Variants in DNAH10 observed in about 807,000 individuals in gnomAD.
DNAH10 encodes the protein dynein axonemal heavy chain 10.
In DNAH10, 348 loss-of-function variants were observed where a neutral mutation model predicts 506.6. The observed-to-expected ratio is 0.69, with a 90% CI of 0.63 to 0.75. DNAH10 has a LOEUF of 0.75. Ranked by LOEUF, DNAH10 falls within the 30% of genes least tolerant of loss-of-function variation. The probability of loss-of-function intolerance (pLI) is 0.00; values close to 1 mark genes in which losing one functional copy is unlikely to be tolerated. For missense variants in DNAH10, 5,179 were observed against 5,787.1 expected (o/e 0.89, Z 3.41); for synonymous variants, 2,059 against 2,198.6 (o/e 0.94, Z 1.78).
rs770712706 is a variant in DNAH10, at chr12:123,914,914, G to A, written c.10637G>A (p.Arg3546Gln). 26 of 1,613,102 alleles carry A rather than the reference G, an allele frequency of 1.6e-5. No individual in the cohort carries two copies. In the African/African-American group the frequency reaches 2.3e-4, roughly 14 times the overall value. Residue 3546 changes from arginine to glutamine, a missense_variant, in exon 62 of 79, where the codon CGG (arginine) becomes CAG (glutamine). By Grantham distance (43) the Arg-to-Gln change is conservative. Around this residue, in one of 3 missense-constraint regions of DNAH10, gnomAD observed 4,844 missense variants for 5,430.5 expected, o/e 0.89. Transcript: ENST00000673944. Reference sequence around the variant, plus strand: ...GTTCAGAATGGCATCCTCACCACCCGGGCCAGCCGCTTCCCTCTGTGTATC... The same window carrying A: ...GTTCAGAATGGCATCCTCACCACCCAGGCCAGCCGCTTCCCTCTGTGTATC... ...LSVQNGILTTRASRFPLCIDP... is the reference protein window; with the variant it reads ...LSVQNGILTTQASRFPLCIDP...
chr12:123,917,850 G>A lies in DNAH10; in HGVS notation c.11232+37G>A, dbSNP rs751311531. On this transcript the variant is annotated intron_variant, in intron 64 of 78. Coordinates refer to ENST00000673944, the MANE Select transcript of DNAH10 (RefSeq NM_001372106.1). The surrounding 1 kb of genome is among the most constrained non-coding windows in gnomAD (Gnocchi z 5.6). ...AGTGGAAGAGGCCGTGAGTCAGGCG[G>A]GGCCTGCATGCGCCGTTGGAGCGTC... 2 of 1,542,302 alleles carry A rather than the reference G, an allele frequency of 1.3e-6. No homozygotes were observed. Among genetic ancestry groups the A allele is most frequent in the South Asian group, 2.4e-5 (2 of 83,888 alleles).
chr12:123,784,229 A>G (rs1179213741), intron 8 of DNAH10, 52 bp downstream of exon 8: 3 of 1,544,454 alleles, frequency 1.9e-6, no homozygotes, highest in Non-Finnish European at 1.8e-6. Context: ...GAGATTTCAT[A>G]TGATTTAATT....
Position 123,916,381 on chromosome 12 carries a change from A to G in DNAH10, c.10723-76A>G. Reference sequence around the variant, plus strand: ...CCTGGCCCATCCACTTCCCACTTCCAAGCCATTCTCCCCTTATATTTGGCA... The same window carrying G: ...CCTGGCCCATCCACTTCCCACTTCCGAGCCATTCTCCCCTTATATTTGGCA... On this transcript the variant is annotated intron_variant, in intron 62 of 78. Coordinates refer to ENST00000673944, the MANE Select transcript of DNAH10 (RefSeq NM_001372106.1). This position sits in a 1 kb window ranked among gnomAD's most constrained non-coding sequence, Gnocchi z 4.6. The G allele has an allele frequency of 6.5e-7, 1 of 1,533,450 alleles. No homozygotes were observed. Among genetic ancestry groups the G allele is most frequent in the South Asian group, 1.3e-5 (1 of 76,296 alleles). The allele number at this position is 1,533,450 out of a possible 1,614,324, so 95.0% of individuals were successfully genotyped here.
chr12:123,797,427 G>C (rs577662592), intron 13 of DNAH10, among the ~76,000 whole-genome samples: 2 of 144,632 alleles, frequency 1.4e-5, no homozygotes, highest in Non-Finnish European at 3.0e-5. Flanking sequence ...AGGTCTTGCT[G>C]TGTTGCCCAG....
At chr12:123,852,667 G>A (rs1325894918) in intron 35 of DNAH10, among the ~76,000 whole-genome samples, 1 of 151,744 alleles carries the variant, frequency 6.6e-6, no homozygotes, top group African/African-American at 2.4e-5. Flanking sequence ...CTGTCTCCCA[G>A]GTTCAAGCGG....
In DNAH10 at chr12:123,907,734, C is replaced by T. The variant is rs957131809; in HGVS notation, c.9816-1527C>T. Among the ~76,000 whole-genome samples, 6 of 152,328 alleles carry T rather than the reference C, an allele frequency of 3.9e-5. No individual in the cohort carries two copies. The highest frequency in any genetic ancestry group is 1.4e-4 in the African/African-American group (6 of 41,588). On this transcript the variant is annotated intron_variant, in intron 57 of 78. Transcript: ENST00000673944. The surrounding 1 kb of genome is among the most constrained non-coding windows in gnomAD (Gnocchi z 4.4). ...GAAAACATCTGCCCCATTCTTTCCC[C>T]ACCTGCTTGTTCACAGAGCGGTGGC...
At chr12:123,820,206 G>A (rs973915432) in intron 23 of DNAH10, among the ~76,000 whole-genome samples, 1 of 152,156 alleles carries the variant, frequency 6.6e-6, no homozygotes, top group Non-Finnish European at 1.5e-5. Context: ...AGTGGTCATT[G>A]GAATTGGGGG....
intron 19 of DNAH10, among the ~76,000 whole-genome samples, chr12:123,809,664 A>G (rs1958852372): frequency 1.3e-5 from 2 of 151,868 alleles, no homozygotes; most frequent in Admixed American, 1.3e-4. Context: ...CAACAACAAC[A>G]ACAACAACAA....
intron 5 of DNAH10, among the ~76,000 whole-genome samples, chr12:123,779,981 G>C (rs150026340): frequency 3.3e-5 from 5 of 152,086 alleles, no homozygotes; most frequent in Non-Finnish European, 1.5e-5. Flanking sequence ...AAGTTGTTTC[G>C]TAATTGTATT....
At chr12:123,920,723 T>C (rs1954685236) in intron 65 of DNAH10, among the ~76,000 whole-genome samples, 1 of 152,238 alleles carries the variant, frequency 6.6e-6, no homozygotes, top group Non-Finnish European at 1.5e-5. Context: ...TTATAATTGG[T>C]TGTGTCACTT....
At chr12:123,814,624 T>TG (rs913521230) in intron 21 of DNAH10, among the ~76,000 whole-genome samples, 1 of 148,224 alleles carries the variant, frequency 6.7e-6, no homozygotes, top group Non-Finnish European at 1.5e-5. Context: ...TTTTTTTTTT[T>TG]TTTTTTTTGA....
At chr12:123,862,035 C>T (rs1951631949) in intron 39 of DNAH10, among the ~76,000 whole-genome samples, 1 of 152,212 alleles carries the variant, frequency 6.6e-6, no homozygotes, top group Non-Finnish European at 1.5e-5. Flanking sequence ...TTGGGTTTGT[C>T]CGCTGCTTCT....
intron 16 of DNAH10, among the ~76,000 whole-genome samples, chr12:123,801,791 T>A (rs1170670675): frequency 6.6e-6 from 1 of 151,304 alleles, no homozygotes; most frequent in Admixed American, 6.6e-5. Flanking sequence ...TTTCCCTAAG[T>A]AGTAACTTCT....
At chr12:123,800,627 A>G (rs969240066) in intron 15 of DNAH10, among the ~76,000 whole-genome samples, 7 of 151,598 alleles carry the variant, frequency 4.6e-5, no homozygotes, top group African/African-American at 1.7e-4. Context: ...TTGAGGCTGC[A>G]GTGAACCGTG....
At chr12:123,859,015 C>A in intron 37 of DNAH10, 135 bp from the exon 38 acceptor site, 1 of 827,354 alleles carries the variant, frequency 1.2e-6, no homozygotes, top group East Asian at 2.9e-5. Context: ...GGTTGCACAA[C>A]TCTGTGAATA....
chr12:123,791,072 A>G (rs1565907362), intron 11 of DNAH10, among the ~76,000 whole-genome samples: 1 of 152,118 alleles, frequency 6.6e-6, no homozygotes. Flanking sequence ...GGTCACAGTG[A>G]GCTGGCTGAG....
At chr12:123,763,867 TTC>T (rs1956921716) in intron 1 of DNAH10, among the ~76,000 whole-genome samples, 1 of 147,896 alleles carries the variant, frequency 6.8e-6, no homozygotes, top group African/African-American at 2.6e-5. Context: ...ACCTGGCCAC[TTC>T]TTTTTTTTTT....
At chr12:123,767,711 T>C (rs1957099506) in intron 2 of DNAH10, 22 bp downstream of exon 2, 2 of 1,599,744 alleles carry the variant, frequency 1.3e-6, no homozygotes, top group East Asian at 2.2e-5. Flanking sequence ...GGAGGGGTCA[T>C]GGGAGGGTGG....
chr12:123,808,680 A>G (rs1297247609), intron 18 of DNAH10, 117 bp from the exon 19 acceptor site: 1 of 1,037,900 alleles, frequency 9.6e-7, no homozygotes, highest in African/African-American at 1.6e-5. Flanking sequence ...GGACAGCCTC[A>G]CAGTGTGCCA....
Sources: gnomAD v4.1 joint callset for allele counts (sites outside exome capture counted in the v4.1 genomes callset) on GRCh38, gnomAD v4.1.1 for gene constraint, gnomAD v4.1.1 regional missense constraint, Gnocchi (gnomAD v3.1) non-coding constraint, MANE v1.5 for transcripts, NCBI Gene and HGNC (gene_info 2026-07-23, HGNC 2026-07-21) for gene names.